ADH5: variants seen among roughly 807,000 people sequenced by gnomAD.
ADH5 encodes the protein alcohol dehydrogenase 5 (class III), chi polypeptide.
ADH5 carries 32 observed loss-of-function variants against 40.3 expected under a neutral mutation model. The observed-to-expected ratio is 0.79, with a 90% CI of 0.60 to 1.07. The LOEUF (loss-of-function observed/expected upper bound fraction) is 1.07, where lower values mean the gene tolerates loss of function less well. Ranked by LOEUF, ADH5 falls within the 50% of genes least tolerant of loss-of-function variation. ADH5 has a pLI of 0.00. For synonymous variants in ADH5, 125 were observed against 154.3 expected (o/e 0.81, Z 1.41); for missense variants, 353 against 460.5 (o/e 0.77, Z 2.14).
rs779698938 is a variant in ADH5, at chr4:99,081,977, G to A, written c.254C>T (p.Ala85Val). Residue 85 changes from alanine (A) to valine (V), a missense_variant and splice_region_variant, in exon 3 of 9, where the codon GCG (alanine) becomes GTG (valine). Transcript: ENST00000296412. ...AGTGGTTCAAGTATTCTCCTTACCC[G>A]CCTTCAGCTTAGTAACTCCCTCACC... ...SVGEGVTKLK[A>V]GDTVIPLYIP... 1.4e-5 allele frequency: 23 copies of A among 1,613,364 alleles called. No individual in the cohort carries two copies. Among genetic ancestry groups the A allele is most frequent in the African/African-American group, 4.0e-5 (3 of 74,874 alleles).
intron 2 of ADH5, among the ~76,000 whole-genome samples, chr4:99,082,396 G>A (rs1165882044): frequency 6.6e-6 from 1 of 152,172 alleles, no homozygotes; most frequent in Non-Finnish European, 1.5e-5. Flanking sequence ...GCGTTAGCAA[G>A]AGAAGGTAAA....
Position 99,072,165 on chromosome 4 carries a change from ATTAC to A in ADH5, c.*248_*251del, listed in dbSNP as rs1341146961. ...AGACAATTTCCACACAAATGTAGAAATTACTTTTATTATGTTAAAATATTCCTTA... is the reference window on the plus strand; with the variant it reads ...AGACAATTTCCACACAAATGTAGAAATTTTATTATGTTAAAATATTCCTTA... On this transcript the variant is annotated 3_prime_UTR_variant, in exon 9 of 9. Coordinates refer to ENST00000296412, the MANE Select transcript of ADH5 (RefSeq NM_000671.4). 4 of 408,962 alleles carry A rather than the reference ATTAC, an allele frequency of 9.8e-6. No individual in the cohort carries two copies. The South Asian group carries it at 3.0e-4, about 30-fold the overall frequency. The allele number at this position is 408,962 out of a possible 1,614,324, so 25.3% of individuals were successfully genotyped here. A position where few individuals can be genotyped will look rare whatever the true frequency, so the allele number is the denominator to read the frequency against.
intron 2 of ADH5, among the ~76,000 whole-genome samples, chr4:99,084,098 C>T (rs566356895): frequency 2.0e-5 from 3 of 152,258 alleles, no homozygotes; most frequent in South Asian, 2.1e-4. Flanking sequence ...TTGTTTAAGT[C>T]GCTGTAGCAA....
In ADH5 at chr4:99,076,273, G is replaced by A. The variant is rs765043980; in HGVS notation, c.825+19C>T. ...AAAAGCAGTTCCATAAACTAAAAAG[G>A]AATGAAGCCCATACTCACCATGACC... On this transcript the variant is annotated intron_variant, in intron 6 of 8. Coordinates refer to ENST00000296412, the MANE Select transcript of ADH5 (RefSeq NM_000671.4). 8 of 1,608,224 alleles carry A rather than the reference G, an allele frequency of 5.0e-6. No individual in the cohort carries two copies. The highest frequency in any genetic ancestry group is 6.8e-6 in the Non-Finnish European group (8 of 1,176,304).
At chr4:99,085,437 T>C (rs1728116410) in intron 1 of ADH5, 1 of 398,036 alleles carries the variant, frequency 2.5e-6, no homozygotes. Context: ...AAAGTATCTT[T>C]TGGTTAAAAA....
In ADH5 at chr4:99,081,387, T is replaced by C; in HGVS notation, c.322A>G (p.Thr108Ala). Residue 108 changes from threonine (T) to alanine (A), a missense_variant, in exon 4 of 9, where the codon ACT (threonine) becomes GCT (alanine). Thr to Ala is a moderately conservative substitution (Grantham distance 58). Transcript: ENST00000296412. ...GECKFCLNPK[T>A]NLCQKIRVTQ... ...AACCTTATCTTCTGGCAAAGGTTAG[T>C]TTTAGGATTTAGACAAAATTTGCAT... is the stretch of plus-strand genomic sequence containing the variant. 1 of 1,603,658 alleles carries C rather than the reference T, an allele frequency of 6.2e-7. No individual in the cohort carries two copies. Among genetic ancestry groups the C allele is most frequent in the South Asian group, 1.1e-5 (1 of 88,844 alleles).
At chr4:99,088,071 A>C (rs1351472645) in intron 1 of ADH5, among the ~76,000 whole-genome samples, 1 of 151,942 alleles carries the variant, frequency 6.6e-6, no homozygotes, top group Non-Finnish European at 1.5e-5. Context: ...AGCACAACCA[A>C]CCTCAAACCT....
chr4:99,077,809 C>A (rs1560753871), intron 4 of ADH5, among the ~76,000 whole-genome samples: 1 of 152,202 alleles, frequency 6.6e-6, no homozygotes, highest in Non-Finnish European at 1.5e-5. Context: ...ATTACTTTTG[C>A]TATTCTAAAC....
intron 4 of ADH5, among the ~76,000 whole-genome samples, chr4:99,078,232 C>T (rs970903140): frequency 2.0e-5 from 3 of 151,998 alleles, no homozygotes; most frequent in Admixed American, 1.3e-4. Context: ...CACTATGTTG[C>T]CCAGGCTGAA....
chr4:99,076,685 A>AG lies in ADH5; in HGVS notation c.564+18_564+19insC. 1 of 1,609,226 alleles carries AG rather than the reference A, an allele frequency of 6.2e-7. No homozygotes were observed. On this transcript the variant is annotated intron_variant, in intron 5 of 8. Coordinates refer to ENST00000296412, the MANE Select transcript of ADH5 (RefSeq NM_000671.4). ...TTAAATTAGAAGGCAGAAGCAAAAA[A>AG]CCCAAGTCAGTCTCTTACCTTGGCA...
At chr4:99,085,364 G>A in intron 1 of ADH5, 148 bp from the exon 2 acceptor site, 1 of 444,884 alleles carries the variant, frequency 2.2e-6, no homozygotes, top group Non-Finnish European at 4.0e-6. Context: ...TATGTTTTTA[G>A]ATTTCACACA....
In ADH5 at chr4:99,076,307, A is replaced by C. The variant is rs1403893384; in HGVS notation, c.810T>G (p.Gly270=). The change falls in exon 6 of 9, where the codon GGT becomes GGG. Residue 270 remains glycine, a synonymous_variant. Coordinates refer to ENST00000296412, the MANE Select transcript of ADH5 (RefSeq NM_000671.4). ...GGVDYSFECI[G]NVKVMRAALE... is the part of the protein sequence containing the mutation. ...CCATACTCACCATGACCTTCACATT[A>C]CCAATACATTCAAAGGAATAGTCCA... 1.9e-6 allele frequency: 3 copies of C among 1,613,936 alleles called. No homozygotes were observed. Among genetic ancestry groups the C allele is most frequent in the Non-Finnish European group, 2.5e-6 (3 of 1,179,912 alleles).
intron 6 of ADH5, 88 bp from the exon 7 acceptor site, chr4:99,075,137 T>A (rs1185920408): frequency 2.4e-6 from 3 of 1,237,140 alleles, no homozygotes; most frequent in Admixed American, 5.5e-5. Context: ...GATGGCATAG[T>A]TTTTAAAGAT....
chr4:99,072,757 T>G, intron 7 of ADH5, 46 bp from the exon 8 acceptor site: 2 of 1,562,896 alleles, frequency 1.3e-6, no homozygotes, highest in Non-Finnish European at 8.7e-7. Context: ...TTCTGCAGTA[T>G]GCTTGTTACT....
In ADH5 at chr4:99,071,727, CA is replaced by C. The variant is rs1389681691; in HGVS notation, c.*689del. 1 of 152,120 alleles carries C rather than the reference CA, an allele frequency of 6.6e-6. No individual in the cohort carries two copies. The highest frequency in any genetic ancestry group is 1.5e-5 in the Non-Finnish European group (1 of 68,034). 9.4% of individuals were successfully genotyped at this position (152,120 alleles called of 1,614,324 possible). A position where few individuals can be genotyped will look rare whatever the true frequency, so the allele number is the denominator to read the frequency against. ...GAAGTGGCAAAATGTTAAGATTTGA[CA>C]AAAGTAGGTGCTGAGAACTTGGATA... On this transcript the variant is annotated 3_prime_UTR_variant, in exon 9 of 9. Transcript: ENST00000296412.
intron 4 of ADH5, among the ~76,000 whole-genome samples, chr4:99,079,659 A>C (rs1727991049): frequency 6.6e-6 from 1 of 151,688 alleles, no homozygotes; most frequent in South Asian, 2.1e-4. Context: ...AAAAAAACGG[A>C]ACACACACAA....
chr4:99,076,866 T>C lies in ADH5; in HGVS notation c.402A>G (p.Gly134=), dbSNP rs755243164. 1.9e-5 allele frequency: 30 copies of C among 1,613,772 alleles called. No homozygotes were observed. Among genetic ancestry groups the C allele is most frequent in the Non-Finnish European group, 8.5e-6 (10 of 1,179,858 alleles). ...PDGTSRFTCK[G]KTILHYMGTS... is the part of the protein sequence containing the mutation. ...TTCCCATGTAATGCAAAATTGTCTT[T>C]CCTTTGCAAGTAAATCTGCTGGTAC... Residue 134 remains glycine, a synonymous_variant, in exon 5 of 9, where the codon GGA becomes GGG. Coordinates refer to ENST00000296412, the MANE Select transcript of ADH5 (RefSeq NM_000671.4).
rs559039777 is a variant in ADH5 at position 99,072,536 on chromosome 4, A to C, written c.1100+37T>G. 6.8e-6 allele frequency: 11 copies of C among 1,609,382 alleles called. 1 individual carries two copies. The African/African-American group carries it at 1.2e-4, about 18-fold the overall frequency. On this transcript the variant is annotated intron_variant, in intron 8 of 8. Transcript: ENST00000296412. ...TCTCCATCCCCTCAAACTCAACATC[A>C]TTATTACATTCTATGATATATAAAG...
At chr4:99,080,740 A>C (rs187954812) in intron 4 of ADH5, 59 of 152,784 alleles carry the variant, frequency 3.9e-4, no homozygotes, top group Non-Finnish European at 8.0e-4. Context: ...GAAAATGGGG[A>C]TAGTAGTGAG....
Sources: allele counts gnomAD v4.1 joint callset (sites outside exome capture counted in the v4.1 genomes callset), GRCh38; gene constraint gnomAD v4.1.1; transcripts MANE v1.5; gene names NCBI Gene and HGNC (gene_info 2026-07-23, HGNC 2026-07-21).